Variants in ITGA11 observed in about 807,000 individuals in gnomAD.
ITGA11 encodes integrin alpha-11.
In ITGA11, 97 loss-of-function variants were observed where a neutral mutation model predicts 141.9. That is an observed-to-expected ratio of 0.68 (90% confidence interval 0.58 to 0.81). The LOEUF (loss-of-function observed/expected upper bound fraction) is 0.81. Ranked by LOEUF, ITGA11 falls within the 30% of genes least tolerant of loss-of-function variation. The probability of loss-of-function intolerance (pLI) is 0.00; values close to 1 mark genes in which losing one functional copy is unlikely to be tolerated. For missense variants in ITGA11, 1,387 were observed against 1,559.2 expected, an observed-to-expected ratio of 0.89 and a Z score of 1.86; for synonymous variants, 658 against 624.6, an observed-to-expected ratio of 1.05 and a Z score of -0.80.
rs1188034670 is a variant in ITGA11 at position 68,350,604 on chromosome 15, A to G, written c.1060+13T>C. 1.2e-6 allele frequency: 2 copies of G among 1,610,610 alleles called. No homozygotes were observed. The highest frequency in any genetic ancestry group is 1.3e-5 in the African/African-American group (1 of 74,834). On this transcript the variant is annotated intron_variant, in intron 9 of 29. Transcript: ENST00000315757. The stretch of plus-strand genomic sequence containing the variant: ...AGGAGAGAGTGGATCCCCTCTTAGC[A>G]TGCATTGCTTACCTTCCAGGCTGAA...
At chr15:68,419,146 C>A (rs993681572) in intron 1 of ITGA11, among the ~76,000 whole-genome samples, 15 of 152,150 alleles carry the variant, frequency 9.9e-5, no homozygotes, top group Admixed American at 3.3e-4. Context: ...CCACCAGATG[C>A]CATTGTCTAG....
At chr15:68,394,930 C>T (rs886546815) in intron 2 of ITGA11, among the ~76,000 whole-genome samples, 3 of 152,034 alleles carry the variant, frequency 2.0e-5, no homozygotes, top group Non-Finnish European at 2.9e-5. Flanking sequence ...CCAAGATGGC[C>T]GAATAGGAAC....
chr15:68,431,792 C>T (rs1897275517), intron 1 of ITGA11, among the ~76,000 whole-genome samples: 1 of 152,252 alleles, frequency 6.6e-6, no homozygotes, highest in Admixed American at 6.5e-5. Context: ...CCCAAACACA[C>T]CAAAGAGTCC....
chr15:68,313,970 G>T, intron 22 of ITGA11, 102 bp from the exon 23 acceptor site: 2 of 858,046 alleles, frequency 2.3e-6, no homozygotes, highest in African/African-American at 1.7e-5. Context: ...TGGCTTATCT[G>T]GGGCTGATGG....
intron 1 of ITGA11, among the ~76,000 whole-genome samples, chr15:68,411,504 G>A (rs962003146): frequency 1.3e-5 from 2 of 152,208 alleles, no homozygotes; most frequent in African/African-American, 4.8e-5. Flanking sequence ...TTAAAAGTCT[G>A]GATGAAGCAG....
At chr15:68,311,759 T>C (rs1893395086) in intron 24 of ITGA11, among the ~76,000 whole-genome samples, 1 of 152,186 alleles carries the variant, frequency 6.6e-6, no homozygotes, top group Admixed American at 6.5e-5. Context: ...CAGCAATGAA[T>C]ACATCATGAG....
At chr15:68,373,976 A>G (rs1186807100) in intron 2 of ITGA11, among the ~76,000 whole-genome samples, 9 of 152,222 alleles carry the variant, frequency 5.9e-5, no homozygotes, top group East Asian at 1.9e-4. Context: ...ACTGCATAGT[A>G]AGTCTGTGAG....
At chr15:68,347,649 C>T (rs1397058467) in intron 10 of ITGA11, among the ~76,000 whole-genome samples, 1 of 152,156 alleles carries the variant, frequency 6.6e-6, no homozygotes, top group African/African-American at 2.4e-5. Context: ...GATTCCCTCT[C>T]ACGGAGCAGC....
rs1448935158 is a variant in ITGA11 at position 68,400,751 on chromosome 15, ATAT to A, written c.164+2164_164+2166del. On this transcript the variant is annotated intron_variant, in intron 2 of 29. Transcript: ENST00000315757. ...ATAAATATTATATATTATATAATAAATATTATAATATTATATATTATATAATAA... is the reference window on the plus strand; with the variant it reads ...ATAAATATTATATATTATATAATAAATATAATATTATATATTATATAATAA... Among the ~76,000 whole-genome samples, 6 of 19,614 alleles carry A rather than the reference ATAT, an allele frequency of 3.1e-4. 1 individual carries two copies. The highest frequency in any genetic ancestry group is 4.2e-4 in the Non-Finnish European group (6 of 14,186). The allele number at this position is 19,614 out of a possible 152,430, so 12.9% of individuals were successfully genotyped here. A position where few individuals can be genotyped will look rare whatever the true frequency, so the allele number is the denominator to read the frequency against.
At chr15:68,393,403 T>C (rs1277004662) in intron 2 of ITGA11, among the ~76,000 whole-genome samples, 1 of 151,950 alleles carries the variant, frequency 6.6e-6, no homozygotes, top group Non-Finnish European at 1.5e-5. Context: ...GCAGAACAAA[T>C]ACAACAAAAC....
intron 2 of ITGA11, among the ~76,000 whole-genome samples, chr15:68,383,122 T>C (rs1173507884): frequency 1.3e-5 from 2 of 151,976 alleles, no homozygotes; most frequent in African/African-American, 4.8e-5. Flanking sequence ...ATACAAAAGA[T>C]TAGCCGGGCG....
intron 2 of ITGA11, among the ~76,000 whole-genome samples, chr15:68,376,230 T>TC (rs896953454): frequency 1.0e-4 from 15 of 150,714 alleles, no homozygotes; most frequent in African/African-American, 3.7e-4. Flanking sequence ...TCTCCTCTCT[T>TC]TTTTTTTTCA....
At position 68,335,811 on chromosome 15, in the gene ITGA11, C is replaced by T; in HGVS notation, c.1311G>A (p.Gln437=). The change falls in exon 12 of 30, where the codon CAG becomes CAA. Residue 437 remains glutamine, a synonymous_variant. Coordinates refer to ENST00000315757, the MANE Select transcript of ITGA11 (RefSeq NM_001004439.2). This position sits in a 1 kb window ranked among gnomAD's most constrained non-coding sequence, Gnocchi z 4.9. ...YTVTSVVSSR[Q]GRVYVAGAPR... Reference sequence around the variant, plus strand: ...GGGCTCCGGCCACGTACACCCGCCCCTGCCTGGAGGACACGACCGATGTGA... The same window carrying T: ...GGGCTCCGGCCACGTACACCCGCCCTTGCCTGGAGGACACGACCGATGTGA... The T allele has an allele frequency of 2.5e-6, 4 of 1,613,428 alleles. No homozygotes were observed. Among genetic ancestry groups the T allele is most frequent in the Non-Finnish European group, 3.4e-6 (4 of 1,179,658 alleles).
rs1431563863 is a variant in ITGA11 at position 68,397,013 on chromosome 15, CTTA to C, written c.164+5902_164+5904del. On this transcript the variant is annotated intron_variant, in intron 2 of 29. Transcript: ENST00000315757. ...ATTATATAATATATAATATATATTA[CTTA>C]TTATATAATATATAAATTATTTATT... 2.8e-3 allele frequency among the ~76,000 whole-genome samples: 6 copies of C among 2,112 alleles called. 3 individuals carry two copies. The highest frequency in any genetic ancestry group is 0.016 in the Admixed American group (2 of 128). The allele number at this position is 2,112 out of a possible 152,430, so 1.4% of individuals were successfully genotyped here.
At chr15:68,392,961 T>C (rs1268115199) in intron 2 of ITGA11, among the ~76,000 whole-genome samples, 2 of 152,166 alleles carry the variant, frequency 1.3e-5, no homozygotes, top group African/African-American at 2.4e-5. Flanking sequence ...AAAATAATTA[T>C]AATTAATGTG....
At chr15:68,389,495 A>C (rs1410232336) in intron 2 of ITGA11, among the ~76,000 whole-genome samples, 1 of 152,238 alleles carries the variant, frequency 6.6e-6, no homozygotes, top group Non-Finnish European at 1.5e-5. Context: ...CCTGAGGCAG[A>C]GGGACTAGAG....
Position 68,326,571 on chromosome 15 carries a change from G to T in ITGA11, c.2211+83C>A. ...GAGGTCTGCTGGGGGCTTAGAACCA[G>T]CCAGGCAGACTCTCTGCCTCTCCCA... is the stretch of plus-strand genomic sequence containing the variant. On this transcript the variant is annotated intron_variant, in intron 17 of 29. Coordinates refer to ENST00000315757, the MANE Select transcript of ITGA11 (RefSeq NM_001004439.2). This position sits in a 1 kb window ranked among gnomAD's most constrained non-coding sequence, Gnocchi z 6.8. 6.9e-7 allele frequency: 1 copy of T among 1,449,612 alleles called. No homozygotes were observed. Among genetic ancestry groups the T allele is most frequent in the Non-Finnish European group, 9.2e-7 (1 of 1,082,244 alleles). The allele number at this position is 1,449,612 out of a possible 1,614,324, so 89.8% of individuals were successfully genotyped here.
In ITGA11 at chr15:68,321,352, G is replaced by A; in HGVS notation, c.2408+66C>T. Reference sequence around the variant, plus strand: ...GTCCAGGAAATAATCCAGGGCCCCAGGAGCCCCAGAGCCTCTGGCAGTGAA... The same window carrying A: ...GTCCAGGAAATAATCCAGGGCCCCAAGAGCCCCAGAGCCTCTGGCAGTGAA... On this transcript the variant is annotated intron_variant, in intron 19 of 29. Transcript: ENST00000315757. The surrounding 1 kb of genome is among the most constrained non-coding windows in gnomAD (Gnocchi z 4.9). 1 of 981,502 alleles carries A rather than the reference G, an allele frequency of 1.0e-6. No homozygotes were observed. Among genetic ancestry groups the A allele is most frequent in the East Asian group, 2.9e-5 (1 of 34,800 alleles). 60.8% of individuals were successfully genotyped at this position (981,502 alleles called of 1,614,324 possible). A position where few individuals can be genotyped will look rare whatever the true frequency, so the allele number is the denominator to read the frequency against.
At position 68,308,324 on chromosome 15, in the gene ITGA11, CA is replaced by C. The variant is rs1380024100; in HGVS notation, c.3175-629del. Among the ~76,000 whole-genome samples, 5 of 152,128 alleles carry C rather than the reference CA, an allele frequency of 3.3e-5. No individual in the cohort carries two copies. The highest frequency in any genetic ancestry group is 9.7e-5 in the African/African-American group (4 of 41,424). On this transcript the variant is annotated intron_variant, in intron 26 of 29. Transcript: ENST00000315757. The surrounding 1 kb of genome is among the most constrained non-coding windows in gnomAD (Gnocchi z 5.2). ...AATTCTGCTAAAATTGAAGCAAAAACAAACATCAAATTTATGGTGAAACTTG... is the reference window on the plus strand; with the variant it reads ...AATTCTGCTAAAATTGAAGCAAAAACAACATCAAATTTATGGTGAAACTTG...
Sources: allele counts gnomAD v4.1 joint callset (sites outside exome capture counted in the v4.1 genomes callset), GRCh38; gene constraint gnomAD v4.1.1; non-coding constraint Gnocchi (gnomAD v3.1); transcripts MANE v1.5; gene names NCBI Gene and HGNC (gene_info 2026-07-23, HGNC 2026-07-21).